CSMD1: variants seen among roughly 807,000 people sequenced by gnomAD.
The protein encoded by CSMD1 is CUB and sushi domain-containing protein 1.
CSMD1 carries 213 observed loss-of-function variants against 417.5 expected under a neutral mutation model. The ratio of observed to expected loss-of-function variants is 0.51; its 90% CI spans 0.46 to 0.57. CSMD1 has a LOEUF of 0.57. CSMD1 is among the 20% of genes least tolerant of loss of function. The pLI, the probability that CSMD1 is intolerant of heterozygous loss-of-function variation, is 0.00. For synonymous variants in CSMD1, 2,862 were observed against 1,736.8 expected (o/e 1.65, Z -16.11); for missense variants, 6,923 against 4,529.7 (o/e 1.53, Z -15.17).
intron 3 of CSMD1, among the ~76,000 whole-genome samples, chr8:4,391,579 T>C (rs748719639): frequency 1.3e-5 from 2 of 152,042 alleles, no homozygotes; most frequent in South Asian, 4.1e-4. Context: ...GACTTTCAGC[T>C]ACCCTATTTT....
intron 5 of CSMD1, among the ~76,000 whole-genome samples, chr8:3,978,396 A>T (rs947891747): frequency 2.6e-5 from 4 of 152,098 alleles, no homozygotes; most frequent in African/African-American, 9.7e-5. Context: ...TAATTCATAG[A>T]TTTCTTCCAC....
intron 1 of CSMD1, among the ~76,000 whole-genome samples, chr8:4,795,455 A>C (rs1317232441): frequency 6.6e-6 from 1 of 151,308 alleles, no homozygotes; most frequent in Non-Finnish European, 1.5e-5. Context: ...TATTTTTAGT[A>C]GAGATGGGGT....
chr8:4,017,563 C>T (rs760555319), intron 4 of CSMD1, among the ~76,000 whole-genome samples: 6 of 152,140 alleles, frequency 3.9e-5, no homozygotes, highest in Non-Finnish European at 7.3e-5. Flanking sequence ...ACCTTGGTCT[C>T]CCAAAGTGCT....
At chr8:3,062,063 A>G (rs1253719561) in intron 49 of CSMD1, among the ~76,000 whole-genome samples, 1 of 152,190 alleles carries the variant, frequency 6.6e-6, no homozygotes, top group Admixed American at 6.5e-5. Context: ...CATTCAATCA[A>G]TCACTTAGAA....
At chr8:3,214,062 T>A (rs1425799047) in intron 30 of CSMD1, among the ~76,000 whole-genome samples, 1 of 151,902 alleles carries the variant, frequency 6.6e-6, no homozygotes, top group East Asian at 1.9e-4. Flanking sequence ...GCCAGGCTGG[T>A]CTCGAACTCC....
chr8:4,419,067 C>T (rs563426298), intron 3 of CSMD1, among the ~76,000 whole-genome samples: 4 of 152,148 alleles, frequency 2.6e-5, no homozygotes, highest in Non-Finnish European at 4.4e-5. Flanking sequence ...CGATTTTTGC[C>T]TAAATGCAGA....
chr8:3,147,183 A>C (rs562653428), intron 40 of CSMD1, among the ~76,000 whole-genome samples: 16 of 152,298 alleles, frequency 1.1e-4, no homozygotes, highest in African/African-American at 3.6e-4. Context: ...CCTAGAAATT[A>C]CATTTAAGAA....
intron 1 of CSMD1, among the ~76,000 whole-genome samples, chr8:4,808,940 C>A (rs1798740643): frequency 6.6e-6 from 1 of 152,190 alleles, no homozygotes; most frequent in African/African-American, 2.4e-5. Context: ...AGATAGAAAT[C>A]ATTCTTCAAG....
intron 3 of CSMD1, among the ~76,000 whole-genome samples, chr8:4,151,591 A>G (rs1051654499): frequency 6.6e-6 from 1 of 152,176 alleles, no homozygotes; most frequent in Non-Finnish European, 1.5e-5. Flanking sequence ...TCCTTGTCAG[A>G]TATGTTTCTC....
chr8:3,177,202 CG>C lies in CSMD1; in HGVS notation c.5725+3907del, dbSNP rs374710734. Among the ~76,000 whole-genome samples, 53 of 152,272 alleles carry C rather than the reference CG, an allele frequency of 3.5e-4. 3 individuals are homozygous for C. The highest frequency in any genetic ancestry group is 1.0e-3 in the African/African-American group (42 of 41,558). On this transcript the variant is annotated intron_variant, in intron 37 of 69. Coordinates refer to ENST00000635120, the MANE Select transcript of CSMD1 (RefSeq NM_033225.6). ...CATCAGCTTAATAAACACCAACTGT[CG>C]CAAGTGGAGCCTGGGCCTCGTGTGA...
intron 4 of CSMD1, among the ~76,000 whole-genome samples, chr8:4,017,439 T>A (rs1424338740): frequency 1.3e-5 from 2 of 152,120 alleles, no homozygotes; most frequent in African/African-American, 2.4e-5. Flanking sequence ...CCTGAGTAGC[T>A]AGGATTACAG....
intron 3 of CSMD1, among the ~76,000 whole-genome samples, chr8:4,160,080 G>C (rs370874451): frequency 6.5e-4 from 88 of 134,434 alleles, no homozygotes; most frequent in African/African-American, 2.2e-3. Context: ...CAAAAGTATG[G>C]AATTTAAAAA....
At chr8:2,955,222 C>A (rs1403538525) in intron 64 of CSMD1, among the ~76,000 whole-genome samples, 4 of 152,216 alleles carry the variant, frequency 2.6e-5, no homozygotes, top group Non-Finnish European at 5.9e-5. Context: ...GACCTTTATT[C>A]ATTTTCATCT....
At chr8:3,044,209 C>A (rs1391965527) in intron 50 of CSMD1, among the ~76,000 whole-genome samples, 1 of 152,186 alleles carries the variant, frequency 6.6e-6, no homozygotes, top group Non-Finnish European at 1.5e-5. Context: ...ACTGTACTGT[C>A]CTTCATATGT....
chr8:3,080,970 A>G (rs1394532124), intron 49 of CSMD1, among the ~76,000 whole-genome samples: 1 of 152,192 alleles, frequency 6.6e-6, no homozygotes, highest in African/African-American at 2.4e-5. Flanking sequence ...AGACAACAAA[A>G]GCCAATTCTA....
chr8:4,882,450 T>C (rs144650773), intron 1 of CSMD1, among the ~76,000 whole-genome samples: 229 of 151,094 alleles, frequency 1.5e-3, no homozygotes, highest in Admixed American at 2.6e-3. Flanking sequence ...ATTTGAAGAG[T>C]ATTGGGGGGC....
intron 5 of CSMD1, among the ~76,000 whole-genome samples, chr8:3,956,120 G>A (rs1015129429): frequency 3.9e-5 from 6 of 152,150 alleles, no homozygotes; most frequent in Admixed American, 1.3e-4. Flanking sequence ...ACCCTTTTAA[G>A]TTCTGACCAG....
intron 10 of CSMD1, among the ~76,000 whole-genome samples, chr8:3,565,985 A>C (rs914215795): frequency 6.6e-6 from 1 of 152,166 alleles, no homozygotes; most frequent in Non-Finnish European, 1.5e-5. Context: ...CCTTTCATCA[A>C]TATAATACAT....
intron 6 of CSMD1, among the ~76,000 whole-genome samples, chr8:3,750,246 C>T (rs2129052915): frequency 6.6e-6 from 1 of 151,698 alleles, no homozygotes; most frequent in African/African-American, 2.4e-5. Context: ...ACTACAATAA[C>T]GTTAAAAAGA....
Sources: allele counts gnomAD v4.1 joint callset (sites outside exome capture counted in the v4.1 genomes callset), GRCh38; gene constraint gnomAD v4.1.1; transcripts MANE v1.5; gene names NCBI Gene and HGNC (gene_info 2026-07-23, HGNC 2026-07-21).